Variants in RASGRP1 observed in about 807,000 individuals in gnomAD.
RASGRP1 encodes RAS guanyl-releasing protein 1.
A neutral mutation model predicts 95.1 loss-of-function variants in RASGRP1; 37 were observed. The ratio of observed to expected loss-of-function variants is 0.39; its 90% CI spans 0.30 to 0.51. The LOEUF is 0.51. RASGRP1 is among the 20% of genes least tolerant of loss of function. The probability of loss-of-function intolerance (pLI) is 0.80; values close to 1 mark genes in which losing one functional copy is unlikely to be tolerated. For synonymous variants in RASGRP1, 325 were observed against 353.4 expected, an observed-to-expected ratio of 0.92 and a Z score of 0.90; for missense variants, 711 against 965.4, an observed-to-expected ratio of 0.74 and a Z score of 3.49.
At chr15:38,519,192 C>A in intron 4 of RASGRP1, 117 bp downstream of exon 4, 1 of 675,472 alleles carries the variant, frequency 1.5e-6, no homozygotes, top group Admixed American at 3.0e-5. Flanking sequence ...AAGGACTACC[C>A]TTTTCCATCT....
At chr15:38,533,327 A>G (rs943318334) in intron 2 of RASGRP1, among the ~76,000 whole-genome samples, 11 of 152,188 alleles carry the variant, frequency 7.2e-5, no homozygotes, top group African/African-American at 2.4e-4. Flanking sequence ...ATCTCCAGAA[A>G]CATGGTTAGG....
At chr15:38,499,647 A>G (rs1223108986) in intron 14 of RASGRP1, among the ~76,000 whole-genome samples, 8 of 152,212 alleles carry the variant, frequency 5.3e-5, no homozygotes, top group Non-Finnish European at 8.8e-5. Context: ...TGTGGACTAA[A>G]TGGACAACTA....
At chr15:38,491,986 C>G (rs1262282039) in intron 16 of RASGRP1, among the ~76,000 whole-genome samples, 1 of 152,188 alleles carries the variant, frequency 6.6e-6, no homozygotes, top group East Asian at 1.9e-4. Context: ...CCCTGTATTT[C>G]ACAAGGACCA....
At position 38,488,229 on chromosome 15, in the gene RASGRP1, C is replaced by T. The variant is rs1373220446; in HGVS notation, c.*2325G>A. ...CATTTCTATATTATACATTTTGAGA[C>T]AGAAATTCACAACGGTCAGTAAAAA... On this transcript the variant is annotated 3_prime_UTR_variant, in exon 17 of 17. Coordinates refer to ENST00000310803, the MANE Select transcript of RASGRP1 (RefSeq NM_005739.4). The T allele has an allele frequency of 6.6e-6, 1 of 151,842 alleles. No individual in the cohort carries two copies. The highest frequency in any genetic ancestry group is 1.5e-5 in the Non-Finnish European group (1 of 67,880). The allele number at this position is 151,842 out of a possible 1,614,324, so 9.4% of individuals were successfully genotyped here. A position where few individuals can be genotyped will look rare whatever the true frequency, so the allele number is the denominator to read the frequency against.
intron 2 of RASGRP1, among the ~76,000 whole-genome samples, chr15:38,543,380 T>C (rs557821828): frequency 6.6e-6 from 1 of 152,282 alleles, no homozygotes; most frequent in Non-Finnish European, 1.5e-5. Flanking sequence ...TGCTATTCTG[T>C]ACCACTGATA....
chr15:38,508,835 TCA>T (rs1235668509), intron 8 of RASGRP1, among the ~76,000 whole-genome samples: 1 of 152,192 alleles, frequency 6.6e-6, no homozygotes, highest in East Asian at 1.9e-4. Context: ...ACCAGCTTTC[TCA>T]GAAGCAAAGA....
chr15:38,492,652 G>A (rs939519612), intron 16 of RASGRP1, among the ~76,000 whole-genome samples: 2 of 152,070 alleles, frequency 1.3e-5, no homozygotes, highest in African/African-American at 4.8e-5. Flanking sequence ...TCTCTAAAAT[G>A]GCTTAGTTAT....
intron 2 of RASGRP1, among the ~76,000 whole-genome samples, chr15:38,552,359 C>G (rs1158945977): frequency 6.6e-6 from 1 of 152,212 alleles, no homozygotes; most frequent in African/African-American, 2.4e-5. Context: ...TCCCTTCCCA[C>G]CTCAACATTT....
intron 2 of RASGRP1, among the ~76,000 whole-genome samples, chr15:38,542,459 G>C (rs1892906407): frequency 6.6e-6 from 1 of 151,820 alleles, no homozygotes; most frequent in African/African-American, 2.4e-5. Flanking sequence ...TTCTTAAAAA[G>C]CTCCCAAGGG....
At chr15:38,508,052 G>A (rs555268426) in intron 8 of RASGRP1, 51 bp from the exon 9 acceptor site, 2 of 1,538,510 alleles carry the variant, frequency 1.3e-6, no homozygotes, top group East Asian at 2.4e-5. Flanking sequence ...AGTGTGCATT[G>A]TCTGTAATGA....
At chr15:38,495,852 A>G (rs560542987) in intron 15 of RASGRP1, among the ~76,000 whole-genome samples, 9 of 152,188 alleles carry the variant, frequency 5.9e-5, no homozygotes, top group African/African-American at 1.9e-4. Context: ...TAATACAGTT[A>G]TACATTCTTT....
At chr15:38,515,834 TGATTATCAGGGGTATGAG>T (rs577806114) in intron 6 of RASGRP1, among the ~76,000 whole-genome samples, 1,563 of 141,694 alleles carry the variant, frequency 0.011, 19 homozygotes, top group Non-Finnish European at 0.019. Context: ...TGAAGCCTAA[TGATTATCAGGGGTATGAG>T]GATTATCAGG....
At chr15:38,532,769 A>G (rs1285976809) in intron 2 of RASGRP1, among the ~76,000 whole-genome samples, 1 of 152,328 alleles carries the variant, frequency 6.6e-6, no homozygotes, top group Non-Finnish European at 1.5e-5. Flanking sequence ...AATCTACCCT[A>G]TGGAAAGCAC....
Position 38,490,685 on chromosome 15 carries a change from T to C in RASGRP1, c.2263A>G (p.Ile755Val). 7 of 1,609,964 alleles carry C rather than the reference T, an allele frequency of 4.3e-6. No individual in the cohort carries two copies. The highest frequency in any genetic ancestry group is 1.3e-5 in the African/African-American group (1 of 74,920). The change falls in exon 17 of 17, where the codon ATA (isoleucine) becomes GTA (valine). Residue 755 changes from isoleucine to valine, a missense_variant. Physicochemically the swap from Ile to Val is conservative, Grantham distance 29. Transcript: ENST00000310803. ...LPTYQELEQE[I>V]NTLKADNDAL... ...TCATTATCTGCTTTCAGAGTATTTA[T>C]TTCCTAAAGGGAAAGGAGAATGAGG...
rs145949574 is a variant in RASGRP1, at chr15:38,521,982, C to T, written c.327-2611G>A. Among the ~76,000 whole-genome samples, 361 of 152,274 alleles carry T rather than the reference C, an allele frequency of 2.4e-3. 3 individuals are homozygous for T. The highest frequency in any genetic ancestry group is 8.4e-3 in the African/African-American group (350 of 41,554). On this transcript the variant is annotated intron_variant, in intron 3 of 16. Coordinates refer to ENST00000310803, the MANE Select transcript of RASGRP1 (RefSeq NM_005739.4). ...ACTCTCAGAATCCCTTTCCCTACCC[C>T]AGGTTACATCTTCACCTGAGCAAAG...
At chr15:38,507,211 C>T (rs189003320) in intron 9 of RASGRP1, among the ~76,000 whole-genome samples, 1 of 152,216 alleles carries the variant, frequency 6.6e-6, no homozygotes, top group Non-Finnish European at 1.5e-5. Flanking sequence ...GATCTCACCC[C>T]ATATGCAAAA....
intron 2 of RASGRP1, among the ~76,000 whole-genome samples, chr15:38,552,033 G>A (rs942311160): frequency 1.3e-5 from 2 of 152,198 alleles, no homozygotes; most frequent in African/African-American, 4.8e-5. Context: ...ACAAAATTGA[G>A]GGTTGGTCAG....
chr15:38,536,396 T>C (rs1892647219), intron 2 of RASGRP1, among the ~76,000 whole-genome samples: 1 of 152,112 alleles, frequency 6.6e-6, no homozygotes, highest in African/African-American at 2.4e-5. Flanking sequence ...GGGAAGAAAA[T>C]CTGGGTCAGG....
chr15:38,550,061 C>T (rs535954271), intron 2 of RASGRP1, among the ~76,000 whole-genome samples: 3 of 151,774 alleles, frequency 2.0e-5, no homozygotes, highest in African/African-American at 7.2e-5. Flanking sequence ...AGTTCAAGGC[C>T]AGCCTGGGCA....
Sources: gnomAD v4.1 joint callset for allele counts (sites outside exome capture counted in the v4.1 genomes callset) on GRCh38, gnomAD v4.1.1 for gene constraint, MANE v1.5 for transcripts, NCBI Gene and HGNC (gene_info 2026-07-23, HGNC 2026-07-21) for gene names.